Variants in GLT1D1 observed in about 807,000 individuals in gnomAD.
The protein encoded by GLT1D1 is glycosyltransferase 1 domain-containing protein 1.
Under a neutral mutation model 28.7 loss-of-function variants are expected in GLT1D1, and 21 were observed. That is an observed-to-expected ratio of 0.73 (90% CI 0.52 to 1.05). The LOEUF is 1.05. GLT1D1 is among the 50% of genes least tolerant of loss of function. The probability of loss-of-function intolerance (pLI) is 0.00; values close to 1 mark genes in which losing one functional copy is unlikely to be tolerated. For missense variants in GLT1D1, 343 were observed against 330.6 expected, an observed-to-expected ratio of 1.04 and a Z score of -0.29; for synonymous variants, 147 against 124.8, an observed-to-expected ratio of 1.18 and a Z score of -1.19.
At position 128,969,487 on chromosome 12, in the gene GLT1D1, C is replaced by T. The variant is rs142413222; in HGVS notation, c.639+11844C>T. On this transcript the variant is annotated intron_variant, in intron 7 of 7. Transcript: ENST00000281703. ...CTGGCTGACTGTGCAGCCCCTAGGG[C>T]AGGTTTGCCCCGAGCTGGGTGTGCA... 3.7e-4 allele frequency among the ~76,000 whole-genome samples: 57 copies of T among 152,306 alleles called. No homozygotes were observed. In the East Asian group the frequency reaches 0.011, roughly 29 times the overall value.
At chr12:128,948,560 G>A (rs1876366466) in intron 6 of GLT1D1, among the ~76,000 whole-genome samples, 2 of 152,144 alleles carry the variant, frequency 1.3e-5, no homozygotes, top group African/African-American at 4.8e-5. Context: ...GAAACATGTG[G>A]CCACTGCTTC....
chr12:128,857,128 C>T (rs1459868236), intron 1 of GLT1D1, among the ~76,000 whole-genome samples: 1 of 152,188 alleles, frequency 6.6e-6, no homozygotes, highest in South Asian at 2.1e-4. Context: ...CTCACATCCA[C>T]CCACAAGGTC....
chr12:128,978,896 C>T (rs999337464), intron 7 of GLT1D1, among the ~76,000 whole-genome samples: 13 of 152,214 alleles, frequency 8.5e-5, no homozygotes, highest in South Asian at 4.2e-4. Flanking sequence ...ATGGGGCTGG[C>T]GGGAGTGTAG....
Position 128,947,449 on chromosome 12 carries a change from A to G in GLT1D1, c.531A>G (p.Ala177=). The G allele has an allele frequency of 6.2e-7, 1 of 1,614,140 alleles. No individual in the cohort carries two copies. The highest frequency in any genetic ancestry group is 8.5e-7 in the Non-Finnish European group (1 of 1,180,022). ...CTGTCTCTGAAGGCATGTCAGCTGC[A>G]ATTTTGGAGGTAATTATGTAACTCG... Residue 177 remains alanine, a synonymous_variant, in exon 6 of 8, where the codon GCA becomes GCG. Transcript: ENST00000281703.
intron 1 of GLT1D1, among the ~76,000 whole-genome samples, chr12:128,855,791 C>T (rs66951847): frequency 0.1 from 12,246 of 122,346 alleles, 706 homozygotes; most frequent in Middle Eastern, 0.21. Flanking sequence ...TTCATTCTTT[C>T]GCCCAGGCTG....
At chr12:128,899,473 T>C (rs147860736) in intron 4 of GLT1D1, among the ~76,000 whole-genome samples, 186 bp downstream of exon 4, 243 of 151,822 alleles carry the variant, frequency 1.6e-3, no homozygotes, top group Middle Eastern at 6.8e-3. Context: ...GTCCCTGATA[T>C]TTTTTGATGT....
At chr12:128,906,693 T>C (rs1870900603) in intron 4 of GLT1D1, among the ~76,000 whole-genome samples, 1 of 152,206 alleles carries the variant, frequency 6.6e-6, no homozygotes, top group East Asian at 1.9e-4. Flanking sequence ...TTTTCAGGTG[T>C]TATCTTTAGA....
chr12:128,881,573 T>A (rs1481466617), intron 2 of GLT1D1, among the ~76,000 whole-genome samples: 178 of 95,740 alleles, frequency 1.9e-3, no homozygotes, highest in African/African-American at 3.5e-3. Flanking sequence ...TATATATATA[T>A]ATATATATAT....
In GLT1D1 at chr12:128,901,652, G is replaced by C. The variant is rs563866786; in HGVS notation, c.375+2365G>C. 2.1e-4 allele frequency among the ~76,000 whole-genome samples: 31 copies of C among 150,310 alleles called. 1 individual carries two copies. Among genetic ancestry groups the C allele is most frequent in the African/African-American group, 6.1e-4 (25 of 40,662 alleles). ...GGGTTTCACCATGTTGGCCAGGCTG[G>C]TCTCGAACTCCCGACCTTGTGATCC... On this transcript the variant is annotated intron_variant, in intron 4 of 7. Transcript: ENST00000281703.
chr12:128,931,148 C>T (rs149319322), intron 4 of GLT1D1, among the ~76,000 whole-genome samples: 11 of 151,736 alleles, frequency 7.2e-5, no homozygotes, highest in Non-Finnish European at 1.2e-4. Flanking sequence ...ACTACAGGCA[C>T]GTGCTACCAC....
rs879185509 is a variant in GLT1D1 at position 128,927,261 on chromosome 12, C to T, written c.376-18065C>T. ...ATTGCTCTTCTTTATTTTTTTGAGA[C>T]GGAGTCTTGCTCTGTCCCCCAGGCT... On this transcript the variant is annotated intron_variant, in intron 4 of 7. Coordinates refer to ENST00000281703, the MANE Select transcript of GLT1D1 (RefSeq NM_144669.3). 52 of 893,626 alleles carry T rather than the reference C, an allele frequency of 5.8e-5. 1 individual carries two copies. The highest frequency in any genetic ancestry group is 3.4e-4 in the South Asian group (23 of 67,840). The allele number at this position is 893,626 out of a possible 1,614,324, so 55.4% of individuals were successfully genotyped here. A position where few individuals can be genotyped will look rare whatever the true frequency, so the allele number is the denominator to read the frequency against.
rs533735251 is a variant in GLT1D1, at chr12:128,944,336, GC to G, written c.376-988del. 897 of 751,406 alleles carry G rather than the reference GC, an allele frequency of 1.2e-3. 1 individual carries two copies. Among genetic ancestry groups the G allele is most frequent in the Non-Finnish European group, 1.8e-3 (756 of 419,822 alleles). The allele number at this position is 751,406 out of a possible 1,614,324, so 46.5% of individuals were successfully genotyped here. ...GTTTGGAGGAAAGCATATCCACAGG[GC>G]CAAATCTTGTTGGTTTCTGTTCTGG... On this transcript the variant is annotated intron_variant, in intron 4 of 7. Coordinates refer to ENST00000281703, the MANE Select transcript of GLT1D1 (RefSeq NM_144669.3).
chr12:128,938,444 A>T (rs979018031), intron 4 of GLT1D1, among the ~76,000 whole-genome samples: 1 of 152,210 alleles, frequency 6.6e-6, no homozygotes, highest in East Asian at 1.9e-4. Flanking sequence ...TGACTTAGTG[A>T]CCTCAGGGAT....
Position 128,947,322 on chromosome 12 carries a change from C to T in GLT1D1, c.420-16C>T, listed in dbSNP as rs754337317. 1.9e-6 allele frequency: 3 copies of T among 1,613,670 alleles called. No homozygotes were observed. The highest frequency in any genetic ancestry group is 2.5e-6 in the Non-Finnish European group (3 of 1,179,894). Reference sequence around the variant, plus strand: ...ATTCTTGGAATCAGAGCCACTCTTCCTGCTTTGTGTTTCAGAGCCGCTGGG... The same window carrying T: ...ATTCTTGGAATCAGAGCCACTCTTCTTGCTTTGTGTTTCAGAGCCGCTGGG... On this transcript the variant is annotated splice_polypyrimidine_tract_variant and intron_variant, in intron 5 of 7. Transcript: ENST00000281703.
chr12:128,891,713 C>T (rs566989603), intron 3 of GLT1D1, among the ~76,000 whole-genome samples: 181 of 152,260 alleles, frequency 1.2e-3, no homozygotes, highest in Non-Finnish European at 2.2e-3. Flanking sequence ...CTTCTGAAAA[C>T]CAGGGTTACT....
At chr12:128,942,861 C>T (rs1041396886) in intron 4 of GLT1D1, among the ~76,000 whole-genome samples, 35 of 152,090 alleles carry the variant, frequency 2.3e-4, no homozygotes, top group Non-Finnish European at 3.8e-4. Context: ...AGTGATTCCC[C>T]TGCCTCAGCC....
intron 7 of GLT1D1, among the ~76,000 whole-genome samples, chr12:128,974,797 T>G (rs1008592802): frequency 2.0e-5 from 3 of 152,274 alleles, no homozygotes; most frequent in African/African-American, 7.2e-5. Flanking sequence ...TTCTGAAGCC[T>G]CATTCCGTGT....
In GLT1D1 at chr12:128,943,042, C is replaced by T. The variant is rs566065166; in HGVS notation, c.376-2284C>T. ...GATTATAGGCGTGAGCCACCACGCC[C>T]GGCCTAGATTCCAGTTTTTAAATGG... On this transcript the variant is annotated intron_variant, in intron 4 of 7. Coordinates refer to ENST00000281703, the MANE Select transcript of GLT1D1 (RefSeq NM_144669.3). 7.9e-5 allele frequency among the ~76,000 whole-genome samples: 12 copies of T among 152,274 alleles called. No individual in the cohort carries two copies. In the East Asian group the frequency reaches 1.4e-3, roughly 17 times the overall value.
At chr12:128,957,758 T>C in intron 7 of GLT1D1, 115 bp downstream of exon 11, 1 of 683,282 alleles carries the variant, frequency 1.5e-6, no homozygotes, top group Admixed American at 2.2e-5. Context: ...CCCGGAGCCC[T>C]GCGGAGAGCA....
Sources: allele counts gnomAD v4.1 joint callset (sites outside exome capture counted in the v4.1 genomes callset), GRCh38; gene constraint gnomAD v4.1.1; transcripts MANE v1.5; gene names NCBI Gene and HGNC (gene_info 2026-07-23, HGNC 2026-07-21).